The following APC variants were observed in gnomAD, a reference collection of about 807,000 sequenced individuals.
APC encodes the protein adenomatous polyposis coli protein.
Under a neutral mutation model 247.0 loss-of-function variants are expected in APC, and 72 were observed. The ratio of observed to expected loss-of-function variants is 0.29; its 90% CI spans 0.24 to 0.35. The LOEUF (loss-of-function observed/expected upper bound fraction) is 0.35, where lower values mean the gene tolerates loss of function less well. Ranked by LOEUF, APC falls within the 10% of genes least tolerant of loss-of-function variation. The pLI is 1.00. For synonymous variants in APC, 1,254 were observed against 1,162.5 expected, an observed-to-expected ratio of 1.08 and a Z score of -1.60; for missense variants, 3,400 against 3,360.7, an observed-to-expected ratio of 1.01 and a Z score of -0.29.
chr5:112,822,600 C>T (rs1259828951), intron 11 of APC, among the ~76,000 whole-genome samples: 1 of 152,176 alleles, frequency 6.6e-6, no homozygotes, highest in Non-Finnish European at 1.5e-5. Flanking sequence ...CAGCAGTGCA[C>T]TCCATTTTTT....
rs777420141 is a variant in APC at position 112,842,776 on chromosome 5, T to C, written c.7182T>C (p.Ser2394=). The change falls in exon 16 of 16, where the codon AGT becomes AGC. Residue 2394 remains serine (S), a synonymous_variant. Coordinates refer to ENST00000257430, the MANE Select transcript of APC (RefSeq NM_000038.6). ...LSKNASSIPR[S]ESASKGLNQM... is the part of the protein sequence containing the mutation. ...AGAATGCCAGTAGTATTCCAAGAAG[T>C]GAGTCTGCCTCCAAAGGACTAAATC... The C allele has an allele frequency of 3.7e-6, 6 of 1,613,764 alleles. No individual in the cohort carries two copies. In the African/African-American group the frequency reaches 8.0e-5, roughly 22 times the overall value.
intron 4 of APC, among the ~76,000 whole-genome samples, chr5:112,770,759 AC>A (rs2149800627): frequency 6.6e-6 from 1 of 152,186 alleles, no homozygotes; most frequent in Non-Finnish European, 1.5e-5. Flanking sequence ...CTGACTCACC[AC>A]TCTGAAAGAT....
At chr5:112,744,925 T>C (rs1166622447) in intron 1 of APC, among the ~76,000 whole-genome samples, 1 of 152,210 alleles carries the variant, frequency 6.6e-6, no homozygotes, top group Non-Finnish European at 1.5e-5. Flanking sequence ...GGAAGTTATC[T>C]ACTGTTTTGG....
intron 6 of APC, among the ~76,000 whole-genome samples, chr5:112,782,809 A>G (rs894188296): frequency 6.6e-6 from 1 of 152,206 alleles, no homozygotes; most frequent in Non-Finnish European, 1.5e-5. Context: ...TTCAACAGGT[A>G]CCTGAAAGAA....
Position 112,842,293 on chromosome 5 carries a change from T to C in APC, c.6699T>C (p.Ile2233=), listed in dbSNP as rs1057521840. Residue 2233 remains isoleucine, a synonymous_variant, in exon 16 of 16, where the codon ATT becomes ATC. Coordinates refer to ENST00000257430, the MANE Select transcript of APC (RefSeq NM_000038.6). The stretch of plus-strand genomic sequence containing the variant: ...CTCGAGGCAGGACAATGATTCATAT[T>C]CCAGGAGTTCGAAATAGCTCCTCAA... ...SISRGRTMIH[I]PGVRNSSSST... is the part of the protein sequence containing the mutation. 2 of 1,613,926 alleles carry C rather than the reference T, an allele frequency of 1.2e-6. No individual in the cohort carries two copies. The highest frequency in any genetic ancestry group is 1.7e-6 in the Non-Finnish European group (2 of 1,179,868).
intron 7 of APC, among the ~76,000 whole-genome samples, chr5:112,795,263 T>A (rs565916900): frequency 1.3e-5 from 2 of 152,230 alleles, no homozygotes; most frequent in African/African-American, 4.8e-5. Flanking sequence ...CCTGACCTCA[T>A]GATCTGCCCG....
At chr5:112,709,033 G>A (rs552247731) in intron 1 of APC, among the ~76,000 whole-genome samples, 68 of 152,274 alleles carry the variant, frequency 4.5e-4, no homozygotes, top group African/African-American at 1.6e-3. Context: ...CGTGTCAAGA[G>A]CCCCAAAATT....
chr5:112,821,799 G>A (rs1269835904), intron 10 of APC, 97 bp from the exon 11 acceptor site: 1 of 939,060 alleles, frequency 1.1e-6, no homozygotes, highest in Non-Finnish European at 1.7e-6. Context: ...GTGAATTAGG[G>A]TTATATTAGT....
intron 11 of APC, among the ~76,000 whole-genome samples, chr5:112,824,178 G>A (rs922054031): frequency 1.6e-4 from 24 of 152,076 alleles, no homozygotes; most frequent in African/African-American, 5.6e-4. Flanking sequence ...GCAATAGTCC[G>A]GTCTATTTAG....
chr5:112,727,839 G>A (rs1447574595), intron 1 of APC, among the ~76,000 whole-genome samples: 1 of 151,510 alleles, frequency 6.6e-6, no homozygotes, highest in Non-Finnish European at 1.5e-5. Flanking sequence ...TTTGGGGGCG[G>A]TCTTATAGCT....
intron 8 of APC, among the ~76,000 whole-genome samples, chr5:112,808,492 C>G (rs1053923278): frequency 6.6e-6 from 1 of 152,008 alleles, no homozygotes; most frequent in South Asian, 2.1e-4. Context: ...ATCTCACTCT[C>G]GCCTGGACTA....
intron 7 of APC, among the ~76,000 whole-genome samples, chr5:112,794,882 AG>A (rs1439399940): frequency 2.0e-5 from 3 of 152,200 alleles, no homozygotes; most frequent in Admixed American, 6.5e-5. Flanking sequence ...TTTTATTATA[AG>A]GATACAGATC....
At chr5:112,788,184 A>G (rs1759187393) in intron 6 of APC, among the ~76,000 whole-genome samples, 2 of 151,956 alleles carry the variant, frequency 1.3e-5, no homozygotes, top group South Asian at 2.1e-4. Context: ...CACATTTTTT[A>G]TTTGCTGCAG....
chr5:112,733,952 G>A (rs1190656402), upstream of APC, among the ~76,000 whole-genome samples: 2 of 152,142 alleles, frequency 1.3e-5, no homozygotes, highest in Admixed American at 6.5e-5. Context: ...GATTCTATTA[G>A]ATGCTAGGAA....
chr5:112,774,266 A>ATT (rs1222116869), intron 4 of APC, among the ~76,000 whole-genome samples: 7 of 152,148 alleles, frequency 4.6e-5, no homozygotes, highest in Non-Finnish European at 8.8e-5. Flanking sequence ...CCAAATCTGG[A>ATT]AATAGAAAAT....
intron 1 of APC, among the ~76,000 whole-genome samples, chr5:112,728,693 G>C (rs966843430): frequency 6.6e-6 from 1 of 151,266 alleles, no homozygotes; most frequent in Non-Finnish European, 1.5e-5. Flanking sequence ...TTTATAAAGA[G>C]TATGACTTAG....
rs183960909 is a variant in APC at position 112,726,957 on chromosome 5, A to G, written c.165+19075A>G. The stretch of plus-strand genomic sequence containing the variant: ...TCTTCTCTCTGAGAACATAATATTA[A>G]ATAGGCATTATGAACGCCTATATTA... On this transcript the variant is annotated intron_variant, in intron 1 of 13. Coordinates refer to the APC transcript ENST00000507379. 5.9e-4 allele frequency among the ~76,000 whole-genome samples: 90 copies of G among 152,270 alleles called. 2 individuals carry two copies. The Middle Eastern group carries it at 0.01, about 17-fold the overall frequency.
intron 1 of APC, among the ~76,000 whole-genome samples, chr5:112,717,914 T>C (rs868053411): frequency 5.8e-5 from 7 of 121,606 alleles, no homozygotes; most frequent in African/African-American, 1.8e-4. Flanking sequence ...TTTTCTTTTT[T>C]TTTTTTTTTT....
rs368554116 is a variant in APC at position 112,749,418 on chromosome 5, A to G, written c.-18-5455A>G. Among the ~76,000 whole-genome samples the G allele has an allele frequency of 2.5e-4, 38 of 152,074 alleles. 1 individual carries two copies. The East Asian group carries it at 6.4e-3, about 26-fold the overall frequency. ...GTAGAAGGTGTTTGTAAAACCATTCAGATACGGTATTTTGAAGGATTTGGA... is the reference window on the plus strand; with the variant it reads ...GTAGAAGGTGTTTGTAAAACCATTCGGATACGGTATTTTGAAGGATTTGGA... On this transcript the variant is annotated intron_variant, in intron 1 of 15. Coordinates refer to ENST00000257430, the MANE Select transcript of APC (RefSeq NM_000038.6).
Sources: gnomAD v4.1 joint callset for allele counts (sites outside exome capture counted in the v4.1 genomes callset) on GRCh38, gnomAD v4.1.1 for gene constraint, MANE v1.5 for transcripts, NCBI Gene and HGNC (gene_info 2026-07-23, HGNC 2026-07-21) for gene names.